Variants in ZFP64 observed in about 807,000 individuals in gnomAD.
The protein encoded by ZFP64 is ZFP64 zinc finger protein, also known as zinc finger protein 64.
A neutral mutation model predicts 51.6 loss-of-function variants in ZFP64; 14 were observed. The ratio of observed to expected loss-of-function variants is 0.27; its 90% CI spans 0.18 to 0.42. The LOEUF is 0.42. Ranked by LOEUF, ZFP64 falls within the 10% of genes least tolerant of loss-of-function variation. ZFP64 has a pLI of 1.00. For missense variants in ZFP64, 754 were observed against 906.8 expected, an observed-to-expected ratio of 0.83 and a Z score of 2.16; for synonymous variants, 375 against 361.4, an observed-to-expected ratio of 1.04 and a Z score of -0.43.
At chr20:52,106,710 A>AT (rs1978320547) in intron 5 of ZFP64, among the ~76,000 whole-genome samples, 2 of 152,176 alleles carry the variant, frequency 1.3e-5, no homozygotes, top group Non-Finnish European at 2.9e-5. Flanking sequence ...GTCAGGTTAA[A>AT]TTTCCGAGAC....
chr20:52,097,415 G>A (rs1439045191), exon 7 of ZFP64: 22 of 1,611,750 alleles, frequency 1.4e-5, no homozygotes, highest in Non-Finnish European at 1.9e-5. Flanking sequence ...TTCATGCCAT[G>A]GACAGTTTTG....
chr20:52,156,528 C>A (rs1265587769), intron 5 of ZFP64, among the ~76,000 whole-genome samples: 1 of 152,248 alleles, frequency 6.6e-6, no homozygotes, highest in African/African-American at 2.4e-5. Context: ...AGCAGATCCT[C>A]AGACTAATAA....
chr20:52,178,031 CAAA>C (rs112472792), intron 2 of ZFP64, among the ~76,000 whole-genome samples: 12 of 86,146 alleles, frequency 1.4e-4, no homozygotes, highest in Admixed American at 2.8e-4. Context: ...GCCTCTGTCT[CAAA>C]AAAAAAAAAA....
In ZFP64 at chr20:52,165,877, G is replaced by A. The variant is rs949949596; in HGVS notation, c.435C>T (p.Asn145=). ...TGCTGCCTTTACCTGGATAGCAACA[G>A]TTAAGCCTTTTCTGAGCAGGTGGTG... ...PTTPPAQKRL[N]CCYPGCQFKT... The change falls in exon 3 of 6, where the codon AAC becomes AAT. Residue 145 remains asparagine, a synonymous_variant. Transcript: ENST00000216923. The A allele has an allele frequency of 1.9e-6, 3 of 1,613,980 alleles. No homozygotes were observed. The African/African-American group carries it at 4.0e-5, about 22-fold the overall frequency.
chr20:52,122,606 A>C, intron 5 of ZFP64, among the ~76,000 whole-genome samples: 1 of 152,150 alleles, frequency 6.6e-6, no homozygotes, highest in East Asian at 1.9e-4. Flanking sequence ...AACCTTCTGG[A>C]GAGGATTCAC....
intron 5 of ZFP64, among the ~76,000 whole-genome samples, chr20:52,146,002 A>T (rs1159967728): frequency 6.6e-6 from 1 of 152,228 alleles, no homozygotes; most frequent in African/African-American, 2.4e-5. Context: ...GTACAACTGT[A>T]CAAAAATATT....
rs75020894 is a variant in ZFP64, at chr20:52,154,539, G to A, written c.764-1111C>T. Among the ~76,000 whole-genome samples the A allele has an allele frequency of 7.2e-3, 1,097 of 152,282 alleles. 14 individuals carry two copies. Among genetic ancestry groups the A allele is most frequent in the African/African-American group, 0.026 (1,060 of 41,560 alleles). ...CATAAACCCACAAGACTGGGATGGT[G>A]TTCCAGCTTTTTGACATAGGATCTG... is the stretch of plus-strand genomic sequence containing the variant. On this transcript the variant is annotated intron_variant, in intron 5 of 5. Coordinates refer to ENST00000216923, the MANE Select transcript of ZFP64 (RefSeq NM_018197.3).
chr20:52,138,376 G>A (rs995791765), intron 5 of ZFP64, among the ~76,000 whole-genome samples: 1 of 151,968 alleles, frequency 6.6e-6, no homozygotes, highest in Non-Finnish European at 1.5e-5. Context: ...ATATATTACT[G>A]TAATAAATAC....
rs1441005975 is a variant in ZFP64 at position 52,151,650 on chromosome 20, AG to A, written c.*495del. On this transcript the variant is annotated 3_prime_UTR_variant, in exon 6 of 6. Coordinates refer to ENST00000216923, the MANE Select transcript of ZFP64 (RefSeq NM_018197.3). ...TACAACAGTTATAATGCGACGATTC[AG>A]AGGTGGTCTCAAAGTTGTTACAGTG... 1.0e-6 allele frequency: 1 copy of A among 990,714 alleles called. No individual in the cohort carries two copies. The highest frequency in any genetic ancestry group is 1.2e-6 in the Non-Finnish European group (1 of 832,868). The allele number at this position is 990,714 out of a possible 1,614,324, so 61.4% of individuals were successfully genotyped here.
chr20:52,090,081 G>A lies in ZFP64; in HGVS notation c.977-1438C>T, dbSNP rs565350497. Among the ~76,000 whole-genome samples the A allele has an allele frequency of 6.6e-5, 10 of 152,290 alleles. No homozygotes were observed. The East Asian group carries it at 1.5e-3, about 24-fold the overall frequency. On this transcript the variant is annotated intron_variant, in intron 7 of 8. Coordinates refer to the ZFP64 transcript ENST00000361387. ...GCCAAAAGGTAAGACACGAAAGCTC[G>A]TTCTAGATGGTCCAGGATAGAACTG...
At chr20:52,172,985 T>C (rs747284932) in intron 2 of ZFP64, among the ~76,000 whole-genome samples, 1 of 152,174 alleles carries the variant, frequency 6.6e-6, no homozygotes, top group African/African-American at 2.4e-5. Flanking sequence ...TGATGTTGTT[T>C]AAAATGTATG....
intron 5 of ZFP64, among the ~76,000 whole-genome samples, chr20:52,124,337 A>C (rs1343477006): frequency 6.6e-6 from 1 of 152,202 alleles, no homozygotes; most frequent in African/African-American, 2.4e-5. Context: ...ACTACAAGTG[A>C]TTGCTTCTGG....
chr20:52,184,549 C>G (rs1049849941), intron 2 of ZFP64, among the ~76,000 whole-genome samples: 3 of 152,214 alleles, frequency 2.0e-5, no homozygotes, highest in Non-Finnish European at 2.9e-5. Flanking sequence ...TGACTACACA[C>G]AGATCCAACT....
chr20:52,191,503 G>C lies in ZFP64; in HGVS notation c.46+88C>G, dbSNP rs1230532270. 2 of 1,401,476 alleles carry C rather than the reference G, an allele frequency of 1.4e-6. No homozygotes were observed. Among genetic ancestry groups the C allele is most frequent in the East Asian group, 6.1e-5 (2 of 32,918 alleles). 86.8% of individuals were successfully genotyped at this position (1,401,476 alleles called of 1,614,324 possible). A position where few individuals can be genotyped will look rare whatever the true frequency, so the allele number is the denominator to read the frequency against. On this transcript the variant is annotated intron_variant, in intron 1 of 5. Coordinates refer to ENST00000216923, the MANE Select transcript of ZFP64 (RefSeq NM_018197.3). This position sits in a 1 kb window ranked among gnomAD's most constrained non-coding sequence, Gnocchi z 4.3. ...ACCCCGATTTCGGGGCCCCGGGCCT[G>C]CTGGCTGCGTCGCAGACGTGCTTGG...
chr20:52,097,026 A>G, intron 7 of ZFP64: 8 of 629,776 alleles, frequency 1.3e-5, no homozygotes, highest in Non-Finnish European at 2.2e-5. Context: ...TGAGTTGCCC[A>G]TGGGCTGCAG....
chr20:52,176,838 G>C (rs548537853), intron 2 of ZFP64, among the ~76,000 whole-genome samples: 1 of 152,180 alleles, frequency 6.6e-6, no homozygotes. Context: ...ATCCAGCTGC[G>C]TGCCTGCCTA....
chr20:52,089,250 C>G (rs1488371366), intron 7 of ZFP64, among the ~76,000 whole-genome samples: 2 of 152,020 alleles, frequency 1.3e-5, no homozygotes, highest in Non-Finnish European at 2.9e-5. Context: ...TGGGGAAAGC[C>G]AGAACCAGAA....
chr20:52,113,604 T>TTTC (rs1184023190), intron 5 of ZFP64, among the ~76,000 whole-genome samples: 2 of 149,384 alleles, frequency 1.3e-5, no homozygotes, highest in Non-Finnish European at 3.0e-5. Flanking sequence ...TTTTTTTTTT[T>TTTC]TTTCTTTCAT....
chr20:52,103,419 G>GT (rs1169039027), intron 5 of ZFP64, among the ~76,000 whole-genome samples: 5 of 152,326 alleles, frequency 3.3e-5, no homozygotes, highest in Non-Finnish European at 7.3e-5. Context: ...TTGGAAGACG[G>GT]TTTTTTCTCC....
Sources: gnomAD v4.1 joint callset for allele counts (sites outside exome capture counted in the v4.1 genomes callset) on GRCh38, gnomAD v4.1.1 for gene constraint, Gnocchi (gnomAD v3.1) non-coding constraint, MANE v1.5 for transcripts, NCBI Gene and HGNC (gene_info 2026-07-23, HGNC 2026-07-21) for gene names.